The following MSI1 variants were observed in gnomAD, a reference collection of about 807,000 sequenced individuals.
MSI1 encodes musashi RNA binding protein 1.
A neutral mutation model predicts 54.4 loss-of-function variants in MSI1; 15 were observed. The observed-to-expected ratio is 0.28, with a 90% confidence interval of 0.18 to 0.42. The LOEUF (loss-of-function observed/expected upper bound fraction) is 0.42. Among genes scored for constraint, MSI1 ranks in the 20% least tolerant of loss-of-function variants. The pLI is 1.00. For missense variants in MSI1, 304 were observed against 506.0 expected, an observed-to-expected ratio of 0.60 and a Z score of 3.83; for synonymous variants, 200 against 196.5, an observed-to-expected ratio of 1.02 and a Z score of -0.15.
intron 13 of MSI1, 136 bp from the exon 14 acceptor site, chr12:120,345,768 C>T: frequency 9.7e-7 from 1 of 1,032,364 alleles, no homozygotes; most frequent in Non-Finnish European, 1.5e-6. Context: ...TACTGCAGGT[C>T]TGCCTACCCG....
intron 11 of MSI1, among the ~76,000 whole-genome samples, chr12:120,348,500 T>C (rs1874324351): frequency 6.6e-6 from 1 of 152,116 alleles, no homozygotes; most frequent in African/African-American, 2.4e-5. Context: ...CATAACGCCT[T>C]AGCACATTTC....
downstream of MSI1, among the ~76,000 whole-genome samples, chr12:120,341,105 C>T (rs572703736): frequency 4.6e-5 from 7 of 152,000 alleles, no homozygotes; most frequent in African/African-American, 1.4e-4. Context: ...AGCCTGGTCT[C>T]GAACTCCTGA....
intron 9 of MSI1, among the ~76,000 whole-genome samples, chr12:120,355,712 T>C (rs1592937357): frequency 6.6e-6 from 1 of 152,230 alleles, no homozygotes; most frequent in Non-Finnish European, 1.5e-5. Flanking sequence ...GGTATATGGA[T>C]GTTCTTTGTA....
Position 120,355,916 on chromosome 12 carries a change from C to T in MSI1, c.652+986G>A, listed in dbSNP as rs1340087177. On this transcript the variant is annotated intron_variant, in intron 9 of 14. Transcript: ENST00000257552. ...CTCTCTGTGTGCCACTCCCCCATGC[C>T]TGGCATAAAGACCCCCTTGTACTGT... Among the ~76,000 whole-genome samples the T allele has an allele frequency of 2.0e-5, 3 of 152,056 alleles. 1 individual carries two copies. The highest frequency in any genetic ancestry group is 7.2e-5 in the African/African-American group (3 of 41,388).
Position 120,345,580 on chromosome 12 carries a change from C to T in MSI1, c.*11G>A, listed in dbSNP as rs200478247. On this transcript the variant is annotated 3_prime_UTR_variant, in exon 14 of 15. Transcript: ENST00000257552. ...CCCCCACATCCTCACCTCCTGCCAC[C>T]GTCCCCTGCTTCAGTGGTACCCATT... The T allele has an allele frequency of 4.3e-6, 7 of 1,613,694 alleles. No individual in the cohort carries two copies. Among genetic ancestry groups the T allele is most frequent in the Admixed American group, 1.7e-5 (1 of 59,962 alleles).
Position 120,346,177 on chromosome 12 carries a change from G to A in MSI1, c.1005C>T (p.Ala335=), listed in dbSNP as rs748903832. 9 of 1,598,028 alleles carry A rather than the reference G, an allele frequency of 5.6e-6. No homozygotes were observed. The highest frequency in any genetic ancestry group is 4.5e-5 in the South Asian group (4 of 88,298). ...QDSGVSSYIS[A]ASPAPSTGFG... is the part of the protein sequence containing the mutation. ...AGCCGGTGCTGGGGGCAGGGCTGGC[G>A]GCGCTGATGTAACTGCTGACCCCCG... Residue 335 remains alanine, a synonymous_variant, in exon 13 of 15, where the codon GCC becomes GCT. Coordinates refer to ENST00000257552, the MANE Select transcript of MSI1 (RefSeq NM_002442.4).
At chr12:120,348,124 C>T (rs1184148889) in intron 11 of MSI1, among the ~76,000 whole-genome samples, 2 of 151,932 alleles carry the variant, frequency 1.3e-5, no homozygotes, top group African/African-American at 4.8e-5. Flanking sequence ...TCCCTGACCA[C>T]CCAGAAATGA....
chr12:120,367,040 C>T (rs891746592), intron 4 of MSI1, among the ~76,000 whole-genome samples: 1 of 152,190 alleles, frequency 6.6e-6, no homozygotes, highest in African/African-American at 2.4e-5. Flanking sequence ...GGCCTGGCCT[C>T]ATTTGCTCAT....
chr12:120,355,215 C>T (rs1171764662), intron 9 of MSI1, among the ~76,000 whole-genome samples: 2 of 151,494 alleles, frequency 1.3e-5, no homozygotes, highest in Non-Finnish European at 2.9e-5. Flanking sequence ...ACCATCCTGG[C>T]TAACACAGTG....
chr12:120,353,262 G>T, intron 10 of MSI1, 37 bp downstream of exon 10: 1 of 1,596,434 alleles, frequency 6.3e-7, no homozygotes, highest in Non-Finnish European at 8.6e-7. Context: ...GGAACCAGGG[G>T]CATGCTGGCA....
chr12:120,352,988 A>T (rs771827749), intron 10 of MSI1, among the ~76,000 whole-genome samples: 1 of 152,144 alleles, frequency 6.6e-6, no homozygotes, highest in Non-Finnish European at 1.5e-5. Flanking sequence ...TACAAGCCCA[A>T]TGCCCTCTCT....
chr12:120,368,770 T>C lies in MSI1; in HGVS notation c.100+63A>G, dbSNP rs1876198289. The stretch of plus-strand genomic sequence containing the variant: ...GCAGGGCCGGGCTGGGGTGTCCGGG[T>C]CCGGGGCGCCGGGGGGTCCGGGGTG... On this transcript the variant is annotated intron_variant, in intron 2 of 14. Coordinates refer to ENST00000257552, the MANE Select transcript of MSI1 (RefSeq NM_002442.4). The surrounding 1 kb of genome is among the most constrained non-coding windows in gnomAD (Gnocchi z 6.6). The C allele has an allele frequency of 7.5e-7, 1 of 1,339,406 alleles. No individual in the cohort carries two copies. The highest frequency in any genetic ancestry group is 2.9e-5 in the Admixed American group (1 of 34,890). 83.0% of individuals were successfully genotyped at this position (1,339,406 alleles called of 1,614,324 possible).
In MSI1 at chr12:120,368,778, G is replaced by A; in HGVS notation, c.100+55C>T. On this transcript the variant is annotated intron_variant, in intron 2 of 14. Coordinates refer to ENST00000257552, the MANE Select transcript of MSI1 (RefSeq NM_002442.4). The surrounding 1 kb of genome is among the most constrained non-coding windows in gnomAD (Gnocchi z 6.6). ...GGGCTGGGGTGTCCGGGTCCGGGGC[G>A]CCGGGGGGTCCGGGGTGCCCTGCCG... 1.5e-6 allele frequency: 2 copies of A among 1,363,190 alleles called. No individual in the cohort carries two copies. The highest frequency in any genetic ancestry group is 1.9e-6 in the Non-Finnish European group (2 of 1,040,814). The allele number at this position is 1,363,190 out of a possible 1,614,324, so 84.4% of individuals were successfully genotyped here.
intron 7 of MSI1, 77 bp downstream of exon 7, chr12:120,358,928 G>A: frequency 4.0e-6 from 6 of 1,489,232 alleles, no homozygotes; most frequent in Non-Finnish European, 5.5e-6. Flanking sequence ...AAGGCGAGAT[G>A]AAAGGGCAGC....
intron 9 of MSI1, among the ~76,000 whole-genome samples, chr12:120,355,336 C>T (rs1209890212): frequency 4.1e-5 from 6 of 147,308 alleles, no homozygotes; most frequent in South Asian, 4.3e-4. Flanking sequence ...ACCCAGGAGG[C>T]GGAGCTTCCA....
rs145402971 is a variant in MSI1, at chr12:120,356,894, G to C, written c.652+8C>G. 6.2e-7 allele frequency: 1 copy of C among 1,612,080 alleles called. No homozygotes were observed. Among genetic ancestry groups the C allele is most frequent in the Non-Finnish European group, 8.5e-7 (1 of 1,178,902 alleles). Reference sequence around the variant, plus strand: ...AGAAAGAAGCCGCAGGCGCAGGCTCGCGCATACCCAGCATGCCGATGCCCA... The same window carrying C: ...AGAAAGAAGCCGCAGGCGCAGGCTCCCGCATACCCAGCATGCCGATGCCCA... On this transcript the variant is annotated splice_region_variant and intron_variant, in intron 9 of 14. Transcript: ENST00000257552.
chr12:120,368,924 G>T lies in MSI1; in HGVS notation c.60-51C>A. ...GGCCCGCGTGAGCGCCGGGCGCCAG[G>T]GCGCAGGGGGCGCGGGCCCGGGCTC... On this transcript the variant is annotated intron_variant, in intron 1 of 14. Coordinates refer to ENST00000257552, the MANE Select transcript of MSI1 (RefSeq NM_002442.4). The surrounding 1 kb of genome is among the most constrained non-coding windows in gnomAD (Gnocchi z 6.6). 1 of 1,325,474 alleles carries T rather than the reference G, an allele frequency of 7.5e-7. No individual in the cohort carries two copies. 82.1% of individuals were successfully genotyped at this position (1,325,474 alleles called of 1,614,324 possible).
At chr12:120,345,676 G>C in intron 13 of MSI1, 44 bp from the exon 14 acceptor site, 2 of 1,605,958 alleles carry the variant, frequency 1.2e-6, no homozygotes, top group South Asian at 1.1e-5. Context: ...GGGAAATAGA[G>C]GAAGATCAGG....
chr12:120,350,067 G>A (rs1874464965), intron 11 of MSI1, among the ~76,000 whole-genome samples: 1 of 152,184 alleles, frequency 6.6e-6, no homozygotes, highest in Admixed American at 6.5e-5. Context: ...TGTTGCCCAG[G>A]CTGGAGTGCA....
Sources: gnomAD v4.1 joint callset for allele counts (sites outside exome capture counted in the v4.1 genomes callset) on GRCh38, gnomAD v4.1.1 for gene constraint, Gnocchi (gnomAD v3.1) non-coding constraint, MANE v1.5 for transcripts, NCBI Gene and HGNC (gene_info 2026-07-23, HGNC 2026-07-21) for gene names.